The following RASA1 variants were observed in gnomAD, a reference collection of about 807,000 sequenced individuals.
The protein encoded by RASA1 is ras GTPase-activating protein 1.
A neutral mutation model predicts 132.2 loss-of-function variants in RASA1; 25 were observed. The ratio of observed to expected loss-of-function variants is 0.19; its 90% CI spans 0.14 to 0.26. The LOEUF (loss-of-function observed/expected upper bound fraction) is 0.26, where lower values mean the gene tolerates loss of function less well. Ranked by LOEUF, RASA1 falls within the 10% of genes least tolerant of loss-of-function variation. The probability of loss-of-function intolerance (pLI) is 1.00; values close to 1 mark genes in which losing one functional copy is unlikely to be tolerated. For synonymous variants in RASA1, 477 were observed against 449.9 expected, an observed-to-expected ratio of 1.06 and a Z score of -0.76; for missense variants, 964 against 1,299.2, an observed-to-expected ratio of 0.74 and a Z score of 3.97.
At chr5:87,362,519 A>G (rs765887551) in intron 9 of RASA1, 32 bp from the exon 10 acceptor site, 70 of 1,564,188 alleles carry the variant, frequency 4.5e-5, no homozygotes, top group Non-Finnish European at 5.8e-5. Flanking sequence ...TCAAGAATGT[A>G]TGAAATAATT....
chr5:87,373,418 G>A (rs191868844), intron 13 of RASA1, among the ~76,000 whole-genome samples: 18 of 152,182 alleles, frequency 1.2e-4, no homozygotes, highest in African/African-American at 3.4e-4. Context: ...CTTGGGCTTC[G>A]TTAGCTGCCA....
At chr5:87,353,644 T>C (rs760018640) in intron 9 of RASA1, among the ~76,000 whole-genome samples, 7 of 152,150 alleles carry the variant, frequency 4.6e-5, no homozygotes, top group Admixed American at 2.0e-4. Flanking sequence ...TATTTGCCTG[T>C]AGTTTTACGG....
At chr5:87,308,712 A>G (rs1199550607) in intron 1 of RASA1, among the ~76,000 whole-genome samples, 1 of 152,184 alleles carries the variant, frequency 6.6e-6, no homozygotes, top group African/African-American at 2.4e-5. Context: ...GGTCAGTCCT[A>G]TAGGATTATA....
intron 17 of RASA1, 47 bp from the exon 18 acceptor site, chr5:87,378,349 T>C (rs1310054890): frequency 3.1e-6 from 5 of 1,599,700 alleles, no homozygotes; most frequent in Non-Finnish European, 4.3e-6. Flanking sequence ...TTGGTCACAT[T>C]AGGTCAGTCC....
chr5:87,288,912 A>C (rs952889277), intron 1 of RASA1, among the ~76,000 whole-genome samples: 3 of 152,146 alleles, frequency 2.0e-5, no homozygotes, highest in Admixed American at 1.3e-4. Context: ...TTTTCCATTG[A>C]AATACTTTAT....
At chr5:87,383,915 A>G in intron 21 of RASA1, 135 bp downstream of exon 21, 1 of 778,230 alleles carries the variant, frequency 1.3e-6, no homozygotes. Flanking sequence ...AGTATTCCAA[A>G]GCACCCTTCC....
At chr5:87,350,419 T>C (rs1007154348) in intron 8 of RASA1, among the ~76,000 whole-genome samples, 19 of 151,856 alleles carry the variant, frequency 1.3e-4, no homozygotes, top group Non-Finnish European at 2.2e-4. Flanking sequence ...ACATACAAAA[T>C]AATGCACTGA....
At position 87,303,314 on chromosome 5, in the gene RASA1, C is replaced by T. The variant is rs141593581; in HGVS notation, c.540-28034C>T. 4.3e-3 allele frequency among the ~76,000 whole-genome samples: 660 copies of T among 151,874 alleles called. 5 individuals carry two copies. The highest frequency in any genetic ancestry group is 8.7e-3 in the East Asian group (45 of 5,174). On this transcript the variant is annotated intron_variant, in intron 1 of 24. Coordinates refer to ENST00000274376, the MANE Select transcript of RASA1 (RefSeq NM_002890.3). ...TTTCATTTTTTTTCCTGAAGTCTTA[C>T]GTTGTACCTTTGCTTTTGATTTCAT... is the stretch of plus-strand genomic sequence containing the variant.
intron 1 of RASA1, among the ~76,000 whole-genome samples, chr5:87,271,692 AG>A (rs1417215375): frequency 6.6e-6 from 1 of 151,718 alleles, no homozygotes; most frequent in Admixed American, 6.6e-5. Context: ...CATGTTGGCC[AG>A]GCTGGTCTCG....
At chr5:87,326,532 C>T (rs1357259660) in intron 1 of RASA1, among the ~76,000 whole-genome samples, 2 of 152,110 alleles carry the variant, frequency 1.3e-5, no homozygotes, top group East Asian at 3.9e-4. Flanking sequence ...TTCCTTTTCC[C>T]CATCTTCCTT....
chr5:87,384,395 T>A (rs954266296), intron 21 of RASA1, among the ~76,000 whole-genome samples: 1 of 152,184 alleles, frequency 6.6e-6, no homozygotes, highest in African/African-American at 2.4e-5. Context: ...TTGAATGTAA[T>A]AATGAACCAT....
chr5:87,367,968 A>G (rs2112470308), intron 11 of RASA1, among the ~76,000 whole-genome samples: 1 of 152,034 alleles, frequency 6.6e-6, no homozygotes, highest in East Asian at 1.9e-4. Flanking sequence ...TGTACCAACT[A>G]TAAATTAAAA....
At chr5:87,379,880 A>G in intron 19 of RASA1, 30 bp downstream of exon 19, 1 of 1,600,954 alleles carries the variant, frequency 6.2e-7, no homozygotes, top group Non-Finnish European at 8.6e-7. Context: ...TTTGACAAGA[A>G]ATTGTGTATC....
chr5:87,375,396 G>A (rs549898768), intron 15 of RASA1, among the ~76,000 whole-genome samples: 2 of 152,060 alleles, frequency 1.3e-5, no homozygotes, highest in African/African-American at 4.8e-5. Context: ...GAGTATCTGG[G>A]ACTACAGGCG....
At chr5:87,379,364 A>G (rs1303727650) in intron 18 of RASA1, among the ~76,000 whole-genome samples, 2 of 152,150 alleles carry the variant, frequency 1.3e-5, no homozygotes, top group East Asian at 3.9e-4. Flanking sequence ...ACTAGATCAG[A>G]AGGGTTACAG....
intron 3 of RASA1, 25 bp downstream of exon 3, chr5:87,332,667 T>C (rs771106133): frequency 1.9e-6 from 3 of 1,590,094 alleles, no homozygotes; most frequent in Non-Finnish European, 2.6e-6. Flanking sequence ...TAAAATATCT[T>C]TCAAAACTTT....
rs1213952872 is a variant in RASA1 at position 87,353,222 on chromosome 5, C to T, written c.1319C>T (p.Pro440Leu). The T allele has an allele frequency of 7.5e-6, 12 of 1,606,468 alleles. No homozygotes were observed. The highest frequency in any genetic ancestry group is 1.0e-5 in the Non-Finnish European group (12 of 1,173,668). The change falls in exon 9 of 25, where the codon CCT becomes CTT. Residue 440 changes from proline (P) to leucine (L), a missense_variant. Around this residue, in one of 6 missense-constraint regions of RASA1, gnomAD observed 25 missense variants for 18.8 expected, o/e 1.33. Coordinates refer to ENST00000274376, the MANE Select transcript of RASA1 (RefSeq NM_002890.3). ...QIVEGYYLKE[P>L]VPMQDQEQVL... ...GTTGAAGGATATTATCTTAAGGAAC[C>T]TGTACCAATGCAGGTCAGTGTTGCA...
chr5:87,286,777 C>T (rs1414848836), intron 1 of RASA1, among the ~76,000 whole-genome samples: 2 of 151,154 alleles, frequency 1.3e-5, no homozygotes, highest in Admixed American at 6.6e-5. Flanking sequence ...AGATTTTACA[C>T]CTGTGACCCA....
intron 9 of RASA1, among the ~76,000 whole-genome samples, chr5:87,353,608 A>C (rs569834522): frequency 6.6e-6 from 1 of 152,174 alleles, no homozygotes; most frequent in South Asian, 2.1e-4. Context: ...ATTAGGGCAA[A>C]AAATGGTTTA....
Sources: allele counts gnomAD v4.1 joint callset (sites outside exome capture counted in the v4.1 genomes callset), GRCh38; gene constraint gnomAD v4.1.1; regional missense constraint gnomAD v4.1.1; transcripts MANE v1.5; gene names NCBI Gene and HGNC (gene_info 2026-07-23, HGNC 2026-07-21).